UBASH3B: variants seen among roughly 807,000 people sequenced by gnomAD.
The protein encoded by UBASH3B is ubiquitin-associated and SH3 domain-containing protein B.
A neutral mutation model predicts 83.4 loss-of-function variants in UBASH3B; 37 were observed. That is an observed-to-expected ratio of 0.44 (90% confidence interval 0.34 to 0.58). The LOEUF (loss-of-function observed/expected upper bound fraction) is 0.58, where lower values mean the gene tolerates loss of function less well. UBASH3B is among the 20% of genes least tolerant of loss of function. The pLI is 0.01. For synonymous variants in UBASH3B, 304 were observed against 318.3 expected, an observed-to-expected ratio of 0.96 and a Z score of 0.48; for missense variants, 657 against 827.2, an observed-to-expected ratio of 0.79 and a Z score of 2.52.
chr11:122,752,553 C>A (rs1352100000), intron 1 of UBASH3B, among the ~76,000 whole-genome samples: 1 of 152,226 alleles, frequency 6.6e-6, no homozygotes, highest in African/African-American at 2.4e-5. Flanking sequence ...CCTAAGCAAA[C>A]AGGGCACGAT....
At chr11:122,713,859 T>C (rs371192190) in intron 1 of UBASH3B, among the ~76,000 whole-genome samples, 2 of 152,324 alleles carry the variant, frequency 1.3e-5, no homozygotes, top group South Asian at 2.1e-4. Context: ...AACTCAGATA[T>C]GCAGCTGGCT....
chr11:122,690,211 C>CA (rs1863872971), intron 1 of UBASH3B, among the ~76,000 whole-genome samples: 3 of 15,722 alleles, frequency 1.9e-4, no homozygotes, highest in Non-Finnish European at 4.1e-4. Flanking sequence ...TATATATATC[C>CA]AATTATATAT....
intron 9 of UBASH3B, 70 bp from the exon 10 acceptor site, chr11:122,798,872 T>G: frequency 7.4e-7 from 1 of 1,349,248 alleles, no homozygotes; most frequent in Non-Finnish European, 1.1e-6. Context: ...CTTGGCCCCC[T>G]CTCACACTGC....
chr11:122,744,347 G>A (rs143751869), intron 1 of UBASH3B, among the ~76,000 whole-genome samples: 1,798 of 152,282 alleles, frequency 0.012, 13 homozygotes, highest in Non-Finnish European at 0.019. Context: ...ATGAGCATGT[G>A]TTTGTGCATG....
In UBASH3B at chr11:122,777,296, G is replaced by A. The variant is rs982061375; in HGVS notation, c.402+86G>A. ...GGGACCTGGAGCAAAGGGAGGCCTC[G>A]CAGGAAGACAGCAGGAATAGTCACA... On this transcript the variant is annotated intron_variant, in intron 3 of 13. Coordinates refer to ENST00000284273, the MANE Select transcript of UBASH3B (RefSeq NM_032873.5). 1.1e-5 allele frequency: 15 copies of A among 1,408,066 alleles called. No homozygotes were observed. The Admixed American group carries it at 1.8e-4, about 17-fold the overall frequency. The allele number at this position is 1,408,066 out of a possible 1,614,324, so 87.2% of individuals were successfully genotyped here. A position where few individuals can be genotyped will look rare whatever the true frequency, so the allele number is the denominator to read the frequency against.
At chr11:122,712,425 G>T (rs1864206555) in intron 1 of UBASH3B, among the ~76,000 whole-genome samples, 1 of 152,088 alleles carries the variant, frequency 6.6e-6, no homozygotes, top group Non-Finnish European at 1.5e-5. Flanking sequence ...CTTCCTTGGT[G>T]GGGGACGCAC....
chr11:122,807,972 G>A, intron 12 of UBASH3B, 95 bp from the exon 13 acceptor site: 2 of 914,036 alleles, frequency 2.2e-6, no homozygotes, highest in South Asian at 2.6e-5. Context: ...GAGTGTGTTT[G>A]CTCCCCTGCA....
At position 122,777,078 on chromosome 11, in the gene UBASH3B, C is replaced by G; in HGVS notation, c.270C>G (p.Tyr90Ter). ...TGGATGACCCCCTGCCCCGGGAGTA[C>G]GTCCTCTACCTCCGTCCCACCGGCC... ...PFLDDPLPRE[Y>*]VLYLRPTGPL... The change falls in exon 3 of 14, where the codon TAC becomes TAG. Residue 90 changes from tyrosine (Y) to a stop codon, truncating the protein, a stop_gained. Coordinates refer to ENST00000284273, the MANE Select transcript of UBASH3B (RefSeq NM_032873.5). LOFTEE classifies it high-confidence loss of function. 6.2e-7 allele frequency: 1 copy of G among 1,613,730 alleles called. No homozygotes were observed. Among genetic ancestry groups the G allele is most frequent in the Non-Finnish European group, 8.5e-7 (1 of 1,179,834 alleles).
At chr11:122,694,009 C>G (rs1863929367) in intron 1 of UBASH3B, among the ~76,000 whole-genome samples, 1 of 152,148 alleles carries the variant, frequency 6.6e-6, no homozygotes, top group Non-Finnish European at 1.5e-5. Context: ...CGATGGAGGC[C>G]CAGTCATAAG....
chr11:122,776,277 G>A lies in UBASH3B; in HGVS notation c.215+5G>A. ...TGTTCAGGCAGCATGTGACTGGTTG[G>A]TATGAGATAAATAAATTGAGAAAAT... is the stretch of plus-strand genomic sequence containing the variant. On this transcript the variant is annotated splice_donor_5th_base_variant and intron_variant, in intron 2 of 13. Coordinates refer to ENST00000284273, the MANE Select transcript of UBASH3B (RefSeq NM_032873.5). 2.5e-6 allele frequency: 4 copies of A among 1,603,108 alleles called. No homozygotes were observed. Among genetic ancestry groups the A allele is most frequent in the African/African-American group, 1.3e-5 (1 of 74,522 alleles).
At chr11:122,751,323 T>A (rs1861195515) in intron 1 of UBASH3B, among the ~76,000 whole-genome samples, 1 of 152,232 alleles carries the variant, frequency 6.6e-6, no homozygotes, top group Admixed American at 6.5e-5. Context: ...TGAATGCTCC[T>A]TGGGAGAATG....
At chr11:122,768,470 ATGTG>A (rs568912747) in intron 1 of UBASH3B, among the ~76,000 whole-genome samples, 4,639 of 140,046 alleles carry the variant, frequency 0.033, 136 homozygotes, top group African/African-American at 0.079. Flanking sequence ...ATATATATGT[ATGTG>A]TGTGTGTGTG....
intron 1 of UBASH3B, among the ~76,000 whole-genome samples, chr11:122,772,249 C>G (rs7112568): frequency 0.96 from 145,648 of 152,258 alleles, 69,884 homozygotes; most frequent in Middle Eastern, 1. Flanking sequence ...CTGCACGTCT[C>G]CGTCATGGCC....
intron 7 of UBASH3B, 87 bp from the exon 8 acceptor site, chr11:122,796,069 G>A: frequency 6.4e-7 from 1 of 1,558,884 alleles, no homozygotes; most frequent in Non-Finnish European, 8.7e-7. Context: ...AACTTTGGTA[G>A]TAGAGCTCAG....
chr11:122,743,858 G>C (rs990693977), intron 1 of UBASH3B, among the ~76,000 whole-genome samples: 1 of 152,204 alleles, frequency 6.6e-6, no homozygotes, highest in Admixed American at 6.5e-5. Context: ...AAAGGAGAGG[G>C]CCCCATATTG....
rs1861012567 is a variant in UBASH3B at position 122,789,365 on chromosome 11, A to G, written c.980+57A>G. 6.3e-6 allele frequency: 10 copies of G among 1,577,790 alleles called. No homozygotes were observed. The South Asian group carries it at 1.0e-4, about 16-fold the overall frequency. ...GAAGAATGTTGCTAAGGCAGACTGG[A>G]TCCTGGATACACAGGGCAGCAGTAA... On this transcript the variant is annotated intron_variant, in intron 6 of 13. Coordinates refer to ENST00000284273, the MANE Select transcript of UBASH3B (RefSeq NM_032873.5).
intron 1 of UBASH3B, among the ~76,000 whole-genome samples, chr11:122,746,521 T>C (rs1175233070): frequency 6.6e-6 from 1 of 152,228 alleles, no homozygotes; most frequent in Non-Finnish European, 1.5e-5. Context: ...CTGGGCTTTG[T>C]GCTCAGGCCT....
chr11:122,677,988 G>A (rs776500362), intron 1 of UBASH3B, among the ~76,000 whole-genome samples: 1 of 152,146 alleles, frequency 6.6e-6, no homozygotes, highest in Non-Finnish European at 1.5e-5. Context: ...ATGGGATTTT[G>A]CCATGTTGGC....
At chr11:122,676,837 C>G (rs980969231) in intron 1 of UBASH3B, among the ~76,000 whole-genome samples, 6 of 152,196 alleles carry the variant, frequency 3.9e-5, no homozygotes, top group African/African-American at 1.4e-4. Flanking sequence ...TCCTGCTCAC[C>G]TTTGCCTCCC....
Sources: allele counts gnomAD v4.1 joint callset (sites outside exome capture counted in the v4.1 genomes callset), GRCh38; gene constraint gnomAD v4.1.1; transcripts MANE v1.5; gene names NCBI Gene and HGNC (gene_info 2026-07-23, HGNC 2026-07-21).